Variants in DUSP16 observed in about 807,000 individuals in gnomAD.
DUSP16 encodes dual specificity phosphatase 16.
Under a neutral mutation model 58.3 loss-of-function variants are expected in DUSP16, and 21 were observed. The ratio of observed to expected loss-of-function variants is 0.36; its 90% confidence interval spans 0.26 to 0.52. The LOEUF is 0.52. DUSP16 is among the 20% of genes least tolerant of loss of function. The pLI is 0.94. For synonymous variants in DUSP16, 320 were observed against 323.8 expected (o/e 0.99, Z 0.12); for missense variants, 726 against 819.0 (o/e 0.89, Z 1.39).
chr12:12,541,678 A>G (rs761572574), intron 1 of DUSP16, among the ~76,000 whole-genome samples: 3 of 152,234 alleles, frequency 2.0e-5, no homozygotes, highest in Non-Finnish European at 4.4e-5. Flanking sequence ...TTCTCTGTCT[A>G]CATGTGTTCC....
chr12:12,545,708 C>T (rs1335228091), intron 1 of DUSP16, among the ~76,000 whole-genome samples: 2 of 152,134 alleles, frequency 1.3e-5, no homozygotes, highest in African/African-American at 4.8e-5. Flanking sequence ...AATCAAGATG[C>T]AGAACGTTTC....
chr12:12,553,874 T>C (rs778366363), intron 1 of DUSP16, among the ~76,000 whole-genome samples: 5 of 152,146 alleles, frequency 3.3e-5, no homozygotes, highest in Non-Finnish European at 7.3e-5. Flanking sequence ...ATTCTTAAAA[T>C]TTTATTACTA....
chr12:12,488,181 ACC>A (rs1309018484), intron 4 of DUSP16, among the ~76,000 whole-genome samples: 1 of 152,086 alleles, frequency 6.6e-6, no homozygotes, highest in Non-Finnish European at 1.5e-5. Flanking sequence ...TCAAATGTAT[ACC>A]CACCCTCTGT....
In DUSP16 at chr12:12,476,287, CAG is replaced by C. The variant is rs1457948451; in HGVS notation, c.*544_*545del. The C allele has an allele frequency of 6.5e-6, 1 of 153,210 alleles. No homozygotes were observed. Among genetic ancestry groups the C allele is most frequent in the African/African-American group, 2.4e-5 (1 of 41,436 alleles). 9.5% of individuals were successfully genotyped at this position (153,210 alleles called of 1,614,324 possible). A position where few individuals can be genotyped will look rare whatever the true frequency, so the allele number is the denominator to read the frequency against. Reference sequence around the variant, plus strand: ...GCAAGGCCCCTAATGGTCCGTCCAGCAGAGTGATGCTCGTGTCCCTCGGCTGT... The same window carrying C: ...GCAAGGCCCCTAATGGTCCGTCCAGCAGTGATGCTCGTGTCCCTCGGCTGT... On this transcript the variant is annotated 3_prime_UTR_variant, in exon 7 of 7. Transcript: ENST00000298573.
chr12:12,480,437 C>A, intron 5 of DUSP16, 91 bp from the exon 6 acceptor site: 1 of 1,461,326 alleles, frequency 6.8e-7, no homozygotes, highest in South Asian at 1.3e-5. Flanking sequence ...TGTCTTCCAC[C>A]TGAAAACCTC....
chr12:12,497,899 G>A (rs1053253515), intron 4 of DUSP16, among the ~76,000 whole-genome samples: 5 of 152,058 alleles, frequency 3.3e-5, no homozygotes, highest in Non-Finnish European at 7.4e-5. Context: ...GAACACGGGA[G>A]GGGGAGGTTG....
chr12:12,522,285 A>G (rs1309921386), intron 1 of DUSP16, among the ~76,000 whole-genome samples: 1 of 152,104 alleles, frequency 6.6e-6, no homozygotes, highest in Non-Finnish European at 1.5e-5. Context: ...ACTAACTCCT[A>G]GTCTTAAAAA....
intron 1 of DUSP16, among the ~76,000 whole-genome samples, chr12:12,548,211 T>C (rs1056240424): frequency 1.3e-5 from 2 of 152,194 alleles, no homozygotes; most frequent in Non-Finnish European, 2.9e-5. Flanking sequence ...AGGACTGGAA[T>C]AAACATTTCT....
chr12:12,500,446 C>T (rs1158963152), intron 4 of DUSP16, 73 bp downstream of exon 4: 8 of 1,485,986 alleles, frequency 5.4e-6, no homozygotes, highest in Admixed American at 2.3e-5. Flanking sequence ...TTTCAAATGA[C>T]ATAATGGGTA....
intron 1 of DUSP16, among the ~76,000 whole-genome samples, chr12:12,524,621 G>A (rs1390486099): frequency 2.0e-5 from 3 of 152,132 alleles, no homozygotes; most frequent in Non-Finnish European, 4.4e-5. Context: ...ACATCACCAA[G>A]CTAATCTTAC....
intron 1 of DUSP16, among the ~76,000 whole-genome samples, chr12:12,561,559 G>C (rs918358614): frequency 6.6e-6 from 1 of 152,204 alleles, no homozygotes; most frequent in Admixed American, 6.5e-5. Flanking sequence ...CAAGACCCGA[G>C]CCCCTGTCCG....
At chr12:12,555,769 A>G (rs1944796914) in intron 1 of DUSP16, among the ~76,000 whole-genome samples, 1 of 152,188 alleles carries the variant, frequency 6.6e-6, no homozygotes, top group African/African-American at 2.4e-5. Context: ...AAGGCCAAGC[A>G]TGGTGGCTCA....
At chr12:12,561,064 T>C (rs1362063651) in intron 1 of DUSP16, 2 of 151,736 alleles carry the variant, frequency 1.3e-5, no homozygotes, top group Non-Finnish European at 2.9e-5. Flanking sequence ...TATTTACTTA[T>C]AATCTTTTAA....
At chr12:12,480,486 C>G in intron 5 of DUSP16, 140 bp from the exon 6 acceptor site, 2 of 994,344 alleles carry the variant, frequency 2.0e-6, no homozygotes, top group Non-Finnish European at 2.8e-6. Flanking sequence ...TTTATCCTCG[C>G]AATATTCTTT....
chr12:12,546,509 T>G (rs1326500838), intron 1 of DUSP16, among the ~76,000 whole-genome samples: 1 of 152,200 alleles, frequency 6.6e-6, no homozygotes, highest in Non-Finnish European at 1.5e-5. Context: ...TTCCATTACC[T>G]CCGCTATTTA....
At chr12:12,555,304 A>T (rs547701325) in intron 1 of DUSP16, among the ~76,000 whole-genome samples, 1 of 152,240 alleles carries the variant, frequency 6.6e-6, no homozygotes, top group Non-Finnish European at 1.5e-5. Flanking sequence ...GCCCAAGACT[A>T]TAAGTCAACC....
chr12:12,532,159 C>T (rs1592199244), intron 1 of DUSP16, among the ~76,000 whole-genome samples: 2 of 148,160 alleles, frequency 1.3e-5, no homozygotes, highest in South Asian at 4.2e-4. Context: ...AGCGAGACTC[C>T]GTCTCAAAAA....
chr12:12,554,420 T>G (rs746751563), intron 1 of DUSP16: 2 of 152,080 alleles, frequency 1.3e-5, no homozygotes, highest in Admixed American at 6.5e-5. Flanking sequence ...AACAACACAA[T>G]TTTATTGCAT....
intron 4 of DUSP16, among the ~76,000 whole-genome samples, chr12:12,490,106 CA>C (rs996768664): frequency 2.0e-5 from 3 of 152,152 alleles, no homozygotes; most frequent in African/African-American, 7.2e-5. Flanking sequence ...TTTGTAGAGA[CA>C]GGGTCTCGCT....
Sources: gnomAD v4.1 joint callset for allele counts (sites outside exome capture counted in the v4.1 genomes callset) on GRCh38, gnomAD v4.1.1 for gene constraint, MANE v1.5 for transcripts, NCBI Gene and HGNC (gene_info 2026-07-23, HGNC 2026-07-21) for gene names.